UBE2E3: variants seen among roughly 807,000 people sequenced by gnomAD.
UBE2E3 encodes the protein ubiquitin-conjugating enzyme E2 E3.
Under a neutral mutation model 23.6 loss-of-function variants are expected in UBE2E3, and 5 were observed. That is an observed-to-expected ratio of 0.21 (90% CI 0.11 to 0.44). The LOEUF (loss-of-function observed/expected upper bound fraction) is 0.44, where lower values mean the gene tolerates loss of function less well. UBE2E3 is among the 20% of genes least tolerant of loss of function. The pLI is 0.99. For synonymous variants in UBE2E3, 78 were observed against 87.5 expected (o/e 0.89, Z 0.60); for missense variants, 81 against 249.8 (o/e 0.32, Z 4.55).
At chr2:180,998,149 C>T (rs1559115577) in intron 3 of UBE2E3, among the ~76,000 whole-genome samples, 1 of 152,158 alleles carries the variant, frequency 6.6e-6, no homozygotes, top group African/African-American at 2.4e-5. Context: ...CCTTGGTTTA[C>T]ATCTATTGTC....
intron 3 of UBE2E3, chr2:180,989,888 C>T (rs1684604374): frequency 2.6e-6 from 4 of 1,543,968 alleles, no homozygotes; most frequent in African/African-American, 2.7e-5. Context: ...TCAGGAAAAT[C>T]AGCAAGTCTT....
Position 181,029,220 on chromosome 2 carries a change from A to G in UBE2E3, c.246-28473A>G, listed in dbSNP as rs142658116. Among the ~76,000 whole-genome samples, 21 of 152,204 alleles carry G rather than the reference A, an allele frequency of 1.4e-4. No individual in the cohort carries two copies. In the East Asian group the frequency reaches 3.5e-3, roughly 25 times the overall value. On this transcript the variant is annotated intron_variant, in intron 3 of 5. Transcript: ENST00000410062. The stretch of plus-strand genomic sequence containing the variant: ...AGTACATGATATAGTTTTAATTACT[A>G]TAATTCTAATGAGTCTTGATATCTA...
chr2:180,987,007 A>G (rs1287611615), intron 3 of UBE2E3, among the ~76,000 whole-genome samples: 1 of 152,094 alleles, frequency 6.6e-6, no homozygotes, highest in Non-Finnish European at 1.5e-5. Context: ...GTATGGCTTT[A>G]TACATGTTTT....
At chr2:181,002,043 C>G (rs1559117161) in intron 3 of UBE2E3, among the ~76,000 whole-genome samples, 3 of 152,124 alleles carry the variant, frequency 2.0e-5, no homozygotes, top group Admixed American at 2.0e-4. Context: ...AAGCAGCAGA[C>G]AGTACAGTAT....
intron 3 of UBE2E3, among the ~76,000 whole-genome samples, chr2:180,997,003 CTG>C (rs746309704): frequency 6.6e-6 from 1 of 151,932 alleles, no homozygotes; most frequent in Non-Finnish European, 1.5e-5. Flanking sequence ...ATATGTGACT[CTG>C]TGTATCCCTT....
chr2:181,004,647 T>TG (rs1405550547), intron 3 of UBE2E3, among the ~76,000 whole-genome samples: 2 of 152,190 alleles, frequency 1.3e-5, no homozygotes, highest in Admixed American at 1.3e-4. Context: ...AAAAAAGAAT[T>TG]GCGTTAAGTA....
At chr2:181,047,167 C>T (rs2105468964) in intron 3 of UBE2E3, among the ~76,000 whole-genome samples, 1 of 152,162 alleles carries the variant, frequency 6.6e-6, no homozygotes, top group South Asian at 2.1e-4. Flanking sequence ...AGCTTCTTTC[C>T]ATATCTCTTC....
intron 3 of UBE2E3, among the ~76,000 whole-genome samples, chr2:181,022,594 C>T (rs1370619189): frequency 6.6e-6 from 1 of 151,918 alleles, no homozygotes; most frequent in African/African-American, 2.4e-5. Context: ...ATCAGTAAAG[C>T]ATGTCACAGC....
At chr2:181,051,031 C>T (rs563804279) in intron 3 of UBE2E3, among the ~76,000 whole-genome samples, 20 of 151,882 alleles carry the variant, frequency 1.3e-4, no homozygotes, top group Non-Finnish European at 2.5e-4. Flanking sequence ...GTACTTTCTT[C>T]CCAGTCTCAT....
intron 3 of UBE2E3, among the ~76,000 whole-genome samples, chr2:181,021,799 T>G (rs1326271283): frequency 6.6e-6 from 1 of 151,896 alleles, no homozygotes; most frequent in African/African-American, 2.4e-5. Flanking sequence ...AGCTTTCTAT[T>G]TGTTTTTATT....
chr2:181,031,361 T>C (rs1175021228), intron 3 of UBE2E3, among the ~76,000 whole-genome samples: 1 of 152,196 alleles, frequency 6.6e-6, no homozygotes, highest in Admixed American at 6.5e-5. Flanking sequence ...TGTATTACTT[T>C]TTATTTATAT....
chr2:181,055,709 C>T (rs886314043), intron 3 of UBE2E3, among the ~76,000 whole-genome samples: 1 of 149,204 alleles, frequency 6.7e-6, no homozygotes, highest in African/African-American at 2.5e-5. Flanking sequence ...GTTAAATGTA[C>T]ACTTTGTCCG....
At chr2:181,050,162 A>T (rs115032962) in intron 3 of UBE2E3, among the ~76,000 whole-genome samples, 4,248 of 152,060 alleles carry the variant, frequency 0.028, 94 homozygotes, top group Middle Eastern at 0.075. Context: ...CCACTTCTTT[A>T]CAAGGCAATA....
chr2:181,042,951 G>C (rs1326095358), intron 3 of UBE2E3, among the ~76,000 whole-genome samples: 1 of 152,150 alleles, frequency 6.6e-6, no homozygotes, highest in African/African-American at 2.4e-5. Context: ...TTTCAATACA[G>C]TTTACTGCTT....
chr2:181,002,801 A>G (rs1685027252), intron 3 of UBE2E3, among the ~76,000 whole-genome samples: 1 of 152,164 alleles, frequency 6.6e-6, no homozygotes, highest in Non-Finnish European at 1.5e-5. Context: ...GTGTTCTTTC[A>G]CTTATCTTCG....
chr2:180,986,819 A>G (rs1290993411), intron 3 of UBE2E3, among the ~76,000 whole-genome samples: 1 of 152,112 alleles, frequency 6.6e-6, no homozygotes, highest in African/African-American at 2.4e-5. Flanking sequence ...GTGTACATTC[A>G]GGAAAAAGTT....
chr2:181,027,259 T>C (rs1685924176), intron 3 of UBE2E3, among the ~76,000 whole-genome samples: 1 of 151,960 alleles, frequency 6.6e-6, no homozygotes, highest in Non-Finnish European at 1.5e-5. Flanking sequence ...GTTAAATCTT[T>C]GACTAAAAGA....
At chr2:181,039,523 C>T (rs1686411430) in intron 3 of UBE2E3, among the ~76,000 whole-genome samples, 1 of 152,038 alleles carries the variant, frequency 6.6e-6, no homozygotes, top group South Asian at 2.1e-4. Flanking sequence ...GTAATCCCAG[C>T]ACTTTGGGAT....
intron 3 of UBE2E3, among the ~76,000 whole-genome samples, chr2:180,985,327 T>G (rs1684425648): frequency 6.6e-6 from 1 of 152,136 alleles, no homozygotes; most frequent in South Asian, 2.1e-4. Flanking sequence ...TCTTCAGTTG[T>G]GGCTAGTCCA....
Sources: gnomAD v4.1 joint callset for allele counts (sites outside exome capture counted in the v4.1 genomes callset) on GRCh38, gnomAD v4.1.1 for gene constraint, MANE v1.5 for transcripts, NCBI Gene and HGNC (gene_info 2026-07-23, HGNC 2026-07-21) for gene names.